The following URB1 variants were observed in gnomAD, a reference collection of about 807,000 sequenced individuals.
The protein encoded by URB1 is URB1 ribosome biogenesis factor.
Under a neutral mutation model 242.3 loss-of-function variants are expected in URB1, and 197 were observed. The ratio of observed to expected loss-of-function variants is 0.81; its 90% CI spans 0.72 to 0.91. The LOEUF (loss-of-function observed/expected upper bound fraction) is 0.91. Among genes scored for constraint, URB1 ranks in the 40% least tolerant of loss-of-function variants. The pLI is 0.00. For missense variants in URB1, 2,721 were observed against 2,860.5 expected (o/e 0.95, Z 1.11); for synonymous variants, 1,153 against 1,201.8 (o/e 0.96, Z 0.84).
At chr21:32,379,893 G>C (rs1223601574) in intron 4 of URB1, among the ~76,000 whole-genome samples, 1 of 151,650 alleles carries the variant, frequency 6.6e-6, no homozygotes, top group Non-Finnish European at 1.5e-5. Flanking sequence ...GGGAGGCTGA[G>C]ACTTAAGCCC....
At chr21:32,320,273 A>G (rs1490164302) in intron 35 of URB1, among the ~76,000 whole-genome samples, 1 of 152,234 alleles carries the variant, frequency 6.6e-6, no homozygotes, top group Non-Finnish European at 1.5e-5. Flanking sequence ...ACTCTGCCAG[A>G]TGTGAACAGC....
At chr21:32,350,979 C>A in intron 19 of URB1, 57 bp from the exon 20 acceptor site, 1 of 1,490,978 alleles carries the variant, frequency 6.7e-7, no homozygotes, top group Non-Finnish European at 9.0e-7. Context: ...CAGATGAAAA[C>A]GGTCATAGGC....
In URB1 at chr21:32,392,820, T is replaced by C. The variant is rs941513447; in HGVS notation, c.91A>G (p.Thr31Ala). 1.6e-5 allele frequency: 25 copies of C among 1,532,180 alleles called. No individual in the cohort carries two copies. In the Middle Eastern group the frequency reaches 9.3e-4, roughly 57 times the overall value. 94.9% of individuals were successfully genotyped at this position (1,532,180 alleles called of 1,614,324 possible). A position where few individuals can be genotyped will look rare whatever the true frequency, so the allele number is the denominator to read the frequency against. ...AAKRARKEEL[T>A]GVRFKAQLKD... ...AGCTGAGCCTTGAACCGCACGCCCG[T>C]GAGCTCTTCTTTGCGGGCGCGCTTG... is the stretch of plus-strand genomic sequence containing the variant. Residue 31 changes from threonine (T) to alanine (A), a missense_variant, in exon 1 of 39, where the codon ACG (threonine) becomes GCG (alanine). Coordinates refer to ENST00000382751, the MANE Select transcript of URB1 (RefSeq NM_014825.3).
intron 3 of URB1, 117 bp from the exon 4 acceptor site, chr21:32,383,671 AAAG>A: frequency 8.7e-7 from 1 of 1,152,430 alleles, no homozygotes; most frequent in Non-Finnish European, 1.1e-6. Context: ...AACCAGAAAA[AAAG>A]AAGGAAAAAG....
intron 1 of URB1, among the ~76,000 whole-genome samples, chr21:32,391,327 G>A (rs1755486378): frequency 6.6e-6 from 1 of 151,750 alleles, no homozygotes; most frequent in Non-Finnish European, 1.5e-5. Flanking sequence ...ATGTAACAAA[G>A]GGGCACGTTG....
chr21:32,344,103 A>C (rs1178024800), intron 24 of URB1, among the ~76,000 whole-genome samples: 2 of 152,242 alleles, frequency 1.3e-5, no homozygotes, highest in Non-Finnish European at 2.9e-5. Context: ...AATCCTTAAG[A>C]CCAAAGACAT....
intron 30 of URB1, among the ~76,000 whole-genome samples, chr21:32,329,107 A>AG (rs1333143333): frequency 2.3e-4 from 1 of 4,284 alleles, no homozygotes; most frequent in African/African-American, 3.6e-4. Flanking sequence ...AGTCTCTACC[A>AG]AAAAAAAAAA....
intron 18 of URB1, among the ~76,000 whole-genome samples, chr21:32,353,168 G>A (rs1433194815): frequency 6.6e-6 from 1 of 152,162 alleles, no homozygotes; most frequent in African/African-American, 2.4e-5. Flanking sequence ...CCAGGCAAAA[G>A]CCACCTGGGA....
In URB1 at chr21:32,316,621, TCAGCCCCA is replaced by T; in HGVS notation, c.6471_6478del (p.Cys2157Ter). On this transcript the variant is annotated stop_gained and frameshift_variant, in exon 38 of 39. Coordinates refer to ENST00000382751, the MANE Select transcript of URB1 (RefSeq NM_014825.3). LOFTEE classifies it high-confidence loss of function. ...CTCCTGCACAGGCCCTGCCAGCCCC[TCAGCCCCA>T]CAGAGCCGGCTATACAGCCTGAATA... The T allele has an allele frequency of 2.6e-6, 4 of 1,551,502 alleles. No individual in the cohort carries two copies. The highest frequency in any genetic ancestry group is 3.5e-6 in the Non-Finnish European group (4 of 1,146,960).
chr21:32,325,116 C>T, intron 31 of URB1, 113 bp downstream of exon 31: 1 of 1,319,214 alleles, frequency 7.6e-7, no homozygotes, highest in East Asian at 2.6e-5. Context: ...CTCCCGGCAA[C>T]ATGCCACCTC....
At chr21:32,315,249 A>G in intron 38 of URB1, 150 bp from the exon 39 acceptor site, 1 of 552,544 alleles carries the variant, frequency 1.8e-6, no homozygotes, top group Non-Finnish European at 2.9e-6. Flanking sequence ...CCGATACAAC[A>G]ACTCACTCTG....
At chr21:32,322,930 C>T (rs189169303) in intron 32 of URB1, among the ~76,000 whole-genome samples, 6 of 152,340 alleles carry the variant, frequency 3.9e-5, no homozygotes, top group Admixed American at 3.9e-4. Flanking sequence ...TCAGGGCTGA[C>T]ACCACACCCA....
Position 32,322,594 on chromosome 21 carries a change from C to T in URB1, c.5234-10G>A. 1 of 1,548,254 alleles carries T rather than the reference C, an allele frequency of 6.5e-7. No individual in the cohort carries two copies. Among genetic ancestry groups the T allele is most frequent in the Non-Finnish European group, 8.7e-7 (1 of 1,143,984 alleles). ...AGGTACATGTGCTCCTCTGAGAACA[C>T]AGGCAGTCAGTCAGTCATGGCAGGC... is the stretch of plus-strand genomic sequence containing the variant. On this transcript the variant is annotated splice_polypyrimidine_tract_variant and intron_variant, in intron 32 of 38. Coordinates refer to ENST00000382751, the MANE Select transcript of URB1 (RefSeq NM_014825.3).
chr21:32,322,071 G>C, intron 33 of URB1, 127 bp from the exon 34 acceptor site: 1 of 1,091,982 alleles, frequency 9.2e-7, no homozygotes, highest in Non-Finnish European at 1.3e-6. Context: ...CTCCATGTCT[G>C]ATTATGAAAA....
intron 38 of URB1, among the ~76,000 whole-genome samples, chr21:32,315,703 A>G (rs75755947): frequency 0.018 from 2,693 of 152,338 alleles, 84 homozygotes; most frequent in African/African-American, 0.061. Context: ...GAAATTTGAG[A>G]AGAACTTCCC....
At chr21:32,356,213 C>T (rs75543742) in intron 15 of URB1, among the ~76,000 whole-genome samples, 2,746 of 152,194 alleles carry the variant, frequency 0.018, 77 homozygotes, top group African/African-American at 0.059. Flanking sequence ...GAGACTCTGC[C>T]TCTACAGCAA....
intron 24 of URB1, among the ~76,000 whole-genome samples, chr21:32,343,788 C>T (rs939459501): frequency 1.3e-5 from 2 of 152,148 alleles, no homozygotes; most frequent in Admixed American, 6.5e-5. Flanking sequence ...AAACTATAAA[C>T]CTACAGACCA....
intron 8 of URB1, among the ~76,000 whole-genome samples, chr21:32,370,092 T>C (rs28405304): frequency 0.15 from 22,901 of 151,618 alleles, 2,314 homozygotes; most frequent in African/African-American, 0.29. Context: ...CTAGGCTTCA[T>C]CTGCTTCAAA....
chr21:32,361,793 C>G, intron 12 of URB1, 99 bp downstream of exon 12: 1 of 1,440,412 alleles, frequency 6.9e-7, no homozygotes, highest in South Asian at 1.5e-5. Context: ...GAAACAAAAA[C>G]TGCTCCAGGA....
Sources: gnomAD v4.1 joint callset for allele counts (sites outside exome capture counted in the v4.1 genomes callset) on GRCh38, gnomAD v4.1.1 for gene constraint, MANE v1.5 for transcripts, NCBI Gene and HGNC (gene_info 2026-07-23, HGNC 2026-07-21) for gene names.